Variants in BUD23 observed in about 807,000 individuals in gnomAD.
BUD23 encodes the protein 18S rRNA (guanine-N(7))-methyltransferase.
Under a neutral mutation model 47.0 loss-of-function variants are expected in BUD23, and 34 were observed. That is an observed-to-expected ratio of 0.72 (90% CI 0.55 to 0.96). The LOEUF (loss-of-function observed/expected upper bound fraction) is 0.96, where lower values mean the gene tolerates loss of function less well. Among genes scored for constraint, BUD23 ranks in the 40% least tolerant of loss-of-function variants. The pLI, the probability that BUD23 is intolerant of heterozygous loss-of-function variation, is 0.00. For synonymous variants in BUD23, 124 were observed against 132.0 expected (o/e 0.94, Z 0.41); for missense variants, 343 against 361.2 (o/e 0.95, Z 0.41).
In BUD23 at chr7:73,687,160, C is replaced by G. The variant is rs1798007529; in HGVS notation, c.362+65C>G. On this transcript the variant is annotated intron_variant, in intron 5 of 11. Transcript: ENST00000265758. ...AGGGTCTCACTCTATCACTTAGGCT[C>G]TAGTGCAGTGTCTGTGATTATGGCT... 5.2e-6 allele frequency: 8 copies of G among 1,526,466 alleles called. No individual in the cohort carries two copies. The Admixed American group carries it at 1.2e-4, about 24-fold the overall frequency. The allele number at this position is 1,526,466 out of a possible 1,614,324, so 94.6% of individuals were successfully genotyped here. A position where few individuals can be genotyped will look rare whatever the true frequency, so the allele number is the denominator to read the frequency against.
At chr7:73,688,284 G>A (rs961305671) in intron 5 of BUD23, among the ~76,000 whole-genome samples, 6 of 151,994 alleles carry the variant, frequency 3.9e-5, no homozygotes, top group African/African-American at 1.4e-4. Flanking sequence ...CCCGAGAGGC[G>A]GAGGTTGCAG....
intron 5 of BUD23, among the ~76,000 whole-genome samples, chr7:73,690,045 G>C (rs1798131850): frequency 6.6e-6 from 1 of 152,112 alleles, no homozygotes; most frequent in South Asian, 2.1e-4. Context: ...GTCTTGCTCT[G>C]TTGTCCAGGC....
intron 2 of BUD23, chr7:73,684,096 G>A (rs868992772): frequency 2.0e-6 from 2 of 978,720 alleles, no homozygotes; most frequent in Non-Finnish European, 1.4e-6. Flanking sequence ...TGGGCGGTGG[G>A]TACGGGCGAG....
At chr7:73,687,152 C>T in intron 5 of BUD23, 57 bp downstream of exon 5, 2 of 1,569,956 alleles carry the variant, frequency 1.3e-6, no homozygotes, top group Non-Finnish European at 1.7e-6. Flanking sequence ...CACTCTATCA[C>T]TTAGGCTCTA....
rs995096745 is a variant in BUD23 at position 73,687,197 on chromosome 7, C to T, written c.362+102C>T. ...CTGTGATTATGGCTCACACTGCAGC[C>T]TCCACCTCCTGGGTTCAGGTGATCT... is the stretch of plus-strand genomic sequence containing the variant. On this transcript the variant is annotated intron_variant, in intron 5 of 11. Transcript: ENST00000265758. 19 of 1,234,778 alleles carry T rather than the reference C, an allele frequency of 1.5e-5. No homozygotes were observed. The East Asian group carries it at 4.0e-4, about 26-fold the overall frequency. 76.5% of individuals were successfully genotyped at this position (1,234,778 alleles called of 1,614,324 possible).
At chr7:73,692,677 G>C (rs374849764) in intron 7 of BUD23, 31 bp downstream of exon 7, 1 of 1,604,672 alleles carries the variant, frequency 6.2e-7, no homozygotes. Context: ...GTGTGCCGGG[G>C]AGTTGGGGGA....
chr7:73,695,886 T>A (rs1337172744), intron 10 of BUD23: 1 of 152,294 alleles, frequency 6.6e-6, no homozygotes, highest in African/African-American at 2.4e-5. Flanking sequence ...ATGTTGATTT[T>A]CCTTAACACC....
chr7:73,693,740 G>A (rs1798285335), intron 9 of BUD23, 71 bp downstream of exon 9: 1 of 1,588,190 alleles, frequency 6.3e-7, no homozygotes, highest in South Asian at 1.1e-5. Context: ...AGCCTGCAGA[G>A]CCTGCTGGGA....
chr7:73,689,392 C>T (rs2116684034), intron 5 of BUD23, among the ~76,000 whole-genome samples: 1 of 151,314 alleles, frequency 6.6e-6, no homozygotes, highest in East Asian at 1.9e-4. Flanking sequence ...GTAAGGCGTA[C>T]AAGGTGCTGT....
chr7:73,698,052 T>C lies in BUD23; in HGVS notation c.*166T>C, dbSNP rs905595416. The C allele has an allele frequency of 9.4e-5, 58 of 619,834 alleles. No individual in the cohort carries two copies. In the African/African-American group the frequency reaches 1.0e-3, roughly 11 times the overall value. 38.4% of individuals were successfully genotyped at this position (619,834 alleles called of 1,614,324 possible). A position where few individuals can be genotyped will look rare whatever the true frequency, so the allele number is the denominator to read the frequency against. Reference sequence around the variant, plus strand: ...GGCTCACACCTGTAATCCCAGCACCTTGGGAGGCTGAGGTGGGAGGATCAT... The same window carrying C: ...GGCTCACACCTGTAATCCCAGCACCCTGGGAGGCTGAGGTGGGAGGATCAT... On this transcript the variant is annotated 3_prime_UTR_variant, in exon 12 of 12. Transcript: ENST00000265758.
intron 5 of BUD23, among the ~76,000 whole-genome samples, chr7:73,688,615 C>T (rs1211343447): frequency 2.0e-5 from 3 of 152,190 alleles, no homozygotes; most frequent in Non-Finnish European, 4.4e-5. Flanking sequence ...TAATCAGAGT[C>T]GGGTTAAACA....
chr7:73,693,326 C>T lies in BUD23; in HGVS notation c.511-3C>T, dbSNP rs1798263170. 2 of 1,613,760 alleles carry T rather than the reference C, an allele frequency of 1.2e-6. No homozygotes were observed. The highest frequency in any genetic ancestry group is 2.2e-5 in the East Asian group (1 of 44,880). On this transcript the variant is annotated splice_polypyrimidine_tract_variant and splice_region_variant and intron_variant, in intron 7 of 11. Transcript: ENST00000265758. ...GCCTGACCCGCTGCCTTTCTTTCCT[C>T]AGTTGGAGCTGATCACAACCCAGGC...
intron 7 of BUD23, chr7:73,693,014 G>T: frequency 1.8e-6 from 1 of 547,042 alleles, no homozygotes; most frequent in Non-Finnish European, 3.3e-6. Flanking sequence ...TAAGTGAAGA[G>T]CTGTTCCTGA....
Position 73,698,123 on chromosome 7 carries a change from T to A in BUD23, c.*237T>A. On this transcript the variant is annotated 3_prime_UTR_variant, in exon 12 of 12. Coordinates refer to ENST00000265758, the MANE Select transcript of BUD23 (RefSeq NM_017528.5). ...CCTGCCTGGGCAACATAATGAAACT[T>A]CCTTTCCAGGGAGGAAAAAAAAAAA... The A allele has an allele frequency of 5.0e-6, 1 of 198,264 alleles. No homozygotes were observed. Among genetic ancestry groups the A allele is most frequent in the Non-Finnish European group, 9.4e-6 (1 of 106,162 alleles). 12.3% of individuals were successfully genotyped at this position (198,264 alleles called of 1,614,324 possible). A position where few individuals can be genotyped will look rare whatever the true frequency, so the allele number is the denominator to read the frequency against.
intron 2 of BUD23, among the ~76,000 whole-genome samples, chr7:73,684,284 CA>C (rs1797850689): frequency 6.6e-6 from 1 of 152,014 alleles, no homozygotes; most frequent in Non-Finnish European, 1.5e-5. Context: ...GTAATCTCAG[CA>C]ATCGCAGCAC....
At chr7:73,684,617 A>AAGGGGGGGG (rs1554612517) in intron 2 of BUD23, among the ~76,000 whole-genome samples, 4 of 86,580 alleles carry the variant, frequency 4.6e-5, no homozygotes, top group Non-Finnish European at 6.5e-5. Flanking sequence ...AAAAAAAAAA[A>AAGGGGGGGG]GGGGGGGGGA....
At chr7:73,697,519 A>G in intron 10 of BUD23, 86 bp from the exon 11 acceptor site, 1 of 1,605,002 alleles carries the variant, frequency 6.2e-7, no homozygotes, top group Non-Finnish European at 8.5e-7. Context: ...ACTCGGAGGT[A>G]AGCTTGCCAT....
chr7:73,694,116 TTCTC>T, intron 10 of BUD23, 66 bp downstream of exon 10: 1 of 1,537,788 alleles, frequency 6.5e-7, no homozygotes, highest in Non-Finnish European at 8.8e-7. Flanking sequence ...GACATGGACT[TTCTC>T]TCTGCCCTCA....
intron 2 of BUD23, 108 bp from the exon 3 acceptor site, chr7:73,686,528 T>G: frequency 1.0e-6 from 1 of 960,164 alleles, no homozygotes; most frequent in Non-Finnish European, 1.6e-6. Context: ...TTGATCCGTT[T>G]TTTGTTTGTT....
Sources: gnomAD v4.1 joint callset for allele counts (sites outside exome capture counted in the v4.1 genomes callset) on GRCh38, gnomAD v4.1.1 for gene constraint, MANE v1.5 for transcripts, NCBI Gene and HGNC (gene_info 2026-07-23, HGNC 2026-07-21) for gene names.